Variants in GMDS observed in about 807,000 individuals in gnomAD.
GMDS encodes the protein GDP-mannose 4,6-dehydratase, also known as GDP-mannose 4,6 dehydratase.
In GMDS, 20 loss-of-function variants were observed where a neutral mutation model predicts 49.9. The ratio of observed to expected loss-of-function variants is 0.40; its 90% CI spans 0.28 to 0.58. The LOEUF is 0.58. GMDS is among the 20% of genes least tolerant of loss of function. The probability of loss-of-function intolerance (pLI) is 0.42; values close to 1 mark genes in which losing one functional copy is unlikely to be tolerated. For missense variants in GMDS, 362 were observed against 481.4 expected, an observed-to-expected ratio of 0.75 and a Z score of 2.32; for synonymous variants, 177 against 178.6, an observed-to-expected ratio of 0.99 and a Z score of 0.07.
At chr6:1,648,586 C>T (rs950185828) in intron 9 of GMDS, among the ~76,000 whole-genome samples, 3 of 152,320 alleles carry the variant, frequency 2.0e-5, no homozygotes, top group South Asian at 2.1e-4. Context: ...AAAGAATATG[C>T]GATGAAGTCT....
intron 7 of GMDS, among the ~76,000 whole-genome samples, chr6:1,837,519 C>A (rs1191518670): frequency 2.0e-5 from 3 of 152,036 alleles, no homozygotes; most frequent in African/African-American, 7.2e-5. Context: ...GTGTGGTGTA[C>A]CCCCGTCCCG....
intron 1 of GMDS, among the ~76,000 whole-genome samples, chr6:2,192,756 A>G (rs1779100446): frequency 6.6e-6 from 1 of 151,860 alleles, no homozygotes; most frequent in African/African-American, 2.4e-5. Flanking sequence ...CCAACCCCGC[A>G]CTCACTCACA....
At chr6:1,888,206 A>G (rs1420122242) in intron 7 of GMDS, among the ~76,000 whole-genome samples, 1 of 151,074 alleles carries the variant, frequency 6.6e-6, no homozygotes, top group Non-Finnish European at 1.5e-5. Flanking sequence ...CCTGGGCTCA[A>G]GCTATCCTCC....
At chr6:1,952,579 G>A (rs912707245) in intron 6 of GMDS, among the ~76,000 whole-genome samples, 2 of 152,056 alleles carry the variant, frequency 1.3e-5, no homozygotes, top group African/African-American at 2.4e-5. Context: ...TATTTACTAG[G>A]ATCTCATGAA....
chr6:2,082,761 T>C (rs550607700), intron 4 of GMDS, among the ~76,000 whole-genome samples: 5 of 152,352 alleles, frequency 3.3e-5, no homozygotes, highest in Admixed American at 1.3e-4. Context: ...GTTTTCAACA[T>C]GTGTCTGTGC....
intron 4 of GMDS, among the ~76,000 whole-genome samples, chr6:1,999,984 T>TTTATATATATATTATATATATATA (rs1766627651): frequency 1.8e-4 from 2 of 11,090 alleles, no homozygotes; most frequent in African/African-American, 6.0e-4. Flanking sequence ...ATATATATTT[T>TTTATATATATATTATATATATATA]ATATATATAT....
At chr6:2,040,136 C>T (rs1769581336) in intron 4 of GMDS, among the ~76,000 whole-genome samples, 2 of 152,172 alleles carry the variant, frequency 1.3e-5, no homozygotes, top group African/African-American at 2.4e-5. Flanking sequence ...TCCTCTAAGC[C>T]CAATGGCTCC....
intron 7 of GMDS, among the ~76,000 whole-genome samples, chr6:1,888,447 T>A (rs901283366): frequency 6.6e-6 from 1 of 152,040 alleles, no homozygotes; most frequent in Non-Finnish European, 1.5e-5. Flanking sequence ...GAGAACTCAC[T>A]CACTATCGAA....
At chr6:2,060,213 G>A (rs1167719869) in intron 4 of GMDS, among the ~76,000 whole-genome samples, 1 of 152,092 alleles carries the variant, frequency 6.6e-6, no homozygotes, top group African/African-American at 2.4e-5. Flanking sequence ...ACTGTTCCCG[G>A]GTCCCTGCAT....
At chr6:1,950,107 G>A (rs1763267203) in intron 6 of GMDS, among the ~76,000 whole-genome samples, 1 of 152,158 alleles carries the variant, frequency 6.6e-6, no homozygotes, top group Non-Finnish European at 1.5e-5. Context: ...TACACAGAGA[G>A]AAAGTGTTTT....
At chr6:1,794,797 G>T (rs892077633) in intron 7 of GMDS, among the ~76,000 whole-genome samples, 1 of 152,176 alleles carries the variant, frequency 6.6e-6, no homozygotes, top group Non-Finnish European at 1.5e-5. Flanking sequence ...CCTCTGAAAA[G>T]GAGACAGATG....
At chr6:1,658,043 T>A (rs1172542474) in intron 9 of GMDS, among the ~76,000 whole-genome samples, 1 of 151,946 alleles carries the variant, frequency 6.6e-6, no homozygotes, top group African/African-American at 2.4e-5. Context: ...AGGCAGGGAG[T>A]GCCGGGGGTG....
rs1008020668 is a variant in GMDS at position 1,778,300 on chromosome 6, T to C, written c.772-35714A>G. Reference sequence around the variant, plus strand: ...GTGACCCCTAGGTCAAAAGAGCAAATGCAAAAGTGACAATGTGGATAATTG... The same window carrying C: ...GTGACCCCTAGGTCAAAAGAGCAAACGCAAAAGTGACAATGTGGATAATTG... On this transcript the variant is annotated intron_variant, in intron 7 of 10. Transcript: ENST00000380815. This position sits in a 1 kb window ranked among gnomAD's most constrained non-coding sequence, Gnocchi z 4.6. Among the ~76,000 whole-genome samples, 44 of 152,236 alleles carry C rather than the reference T, an allele frequency of 2.9e-4. No individual in the cohort carries two copies. Among genetic ancestry groups the C allele is most frequent in the Admixed American group, 2.7e-3 (42 of 15,298 alleles).
intron 9 of GMDS, among the ~76,000 whole-genome samples, chr6:1,675,881 T>A (rs1361883495): frequency 1.3e-5 from 2 of 149,468 alleles, no homozygotes; most frequent in Admixed American, 6.7e-5. Flanking sequence ...AAAGGGGATA[T>A]CACCACCGAT....
intron 4 of GMDS, among the ~76,000 whole-genome samples, chr6:2,089,120 G>A (rs1393241241): frequency 6.6e-6 from 1 of 152,176 alleles, no homozygotes; most frequent in Non-Finnish European, 1.5e-5. Flanking sequence ...TATCCAGTAT[G>A]GAAATGAATG....
chr6:1,915,523 A>C (rs1337890666), intron 7 of GMDS, among the ~76,000 whole-genome samples: 1 of 152,220 alleles, frequency 6.6e-6, no homozygotes. Flanking sequence ...CAAGGCCGAG[A>C]ATGCATGCTC....
At chr6:1,630,683 C>T (rs1161055809) in intron 9 of GMDS, among the ~76,000 whole-genome samples, 1 of 152,206 alleles carries the variant, frequency 6.6e-6, no homozygotes, top group African/African-American at 2.4e-5. Flanking sequence ...TTGCATCATA[C>T]CTATTTACAA....
intron 8 of GMDS, among the ~76,000 whole-genome samples, chr6:1,732,581 A>T (rs1020550951): frequency 6.6e-6 from 1 of 152,246 alleles, no homozygotes; most frequent in African/African-American, 2.4e-5. Context: ...ATTTGGAAAC[A>T]TGGAGATAAA....
At position 2,069,812 on chromosome 6, in the gene GMDS, T is replaced by G. The variant is rs1019534130; in HGVS notation, c.345+45959A>C. 3.9e-4 allele frequency among the ~76,000 whole-genome samples: 60 copies of G among 152,090 alleles called. 1 individual carries two copies. The highest frequency in any genetic ancestry group is 4.3e-4 in the Non-Finnish European group (29 of 68,048). On this transcript the variant is annotated intron_variant, in intron 4 of 10. Coordinates refer to ENST00000380815, the MANE Select transcript of GMDS (RefSeq NM_001500.4). ...TGGAGAAATAGGAACACTTTTACACTGCTGGTGGGACTGTAAACTAGTTCA... is the reference window on the plus strand; with the variant it reads ...TGGAGAAATAGGAACACTTTTACACGGCTGGTGGGACTGTAAACTAGTTCA...
Sources: allele counts gnomAD v4.1 joint callset (sites outside exome capture counted in the v4.1 genomes callset), GRCh38; gene constraint gnomAD v4.1.1; non-coding constraint Gnocchi (gnomAD v3.1); transcripts MANE v1.5; gene names NCBI Gene and HGNC (gene_info 2026-07-23, HGNC 2026-07-21).